The following GRID2 variants were observed in gnomAD, a reference collection of about 807,000 sequenced individuals.
GRID2 encodes glutamate ionotropic receptor delta type subunit 2.
A neutral mutation model predicts 114.8 loss-of-function variants in GRID2; 33 were observed. That is an observed-to-expected ratio of 0.29 (90% CI 0.22 to 0.38). The LOEUF (loss-of-function observed/expected upper bound fraction) is 0.38. Among genes scored for constraint, GRID2 ranks in the 10% least tolerant of loss-of-function variants. The pLI is 1.00. For synonymous variants in GRID2, 505 were observed against 449.9 expected (o/e 1.12, Z -1.55); for missense variants, 1,184 against 1,257.7 (o/e 0.94, Z 0.89).
chr4:93,764,078 G>C (rs961471570), intron 14 of GRID2, among the ~76,000 whole-genome samples: 1 of 152,156 alleles, frequency 6.6e-6, no homozygotes, highest in Admixed American at 6.6e-5. Context: ...TCCTAGAGTA[G>C]TGACTAAAAA....
At chr4:92,967,363 C>G (rs953355631) in intron 2 of GRID2, among the ~76,000 whole-genome samples, 5 of 151,974 alleles carry the variant, frequency 3.3e-5, no homozygotes, top group African/African-American at 1.2e-4. Context: ...CAGTAAAATT[C>G]AATTATTATT....
chr4:92,985,005 T>A (rs996913028), intron 2 of GRID2, among the ~76,000 whole-genome samples: 16 of 152,080 alleles, frequency 1.1e-4, no homozygotes, highest in Non-Finnish European at 1.5e-4. Flanking sequence ...AGTTTTTCTT[T>A]ACTGTAACAC....
chr4:93,761,320 C>G (rs1733188622), intron 14 of GRID2, among the ~76,000 whole-genome samples: 1 of 152,212 alleles, frequency 6.6e-6, no homozygotes, highest in South Asian at 2.1e-4. Flanking sequence ...ACTTCAATAT[C>G]TTCATCAGTG....
chr4:93,712,004 T>G (rs1403740471), intron 14 of GRID2, among the ~76,000 whole-genome samples: 1 of 151,436 alleles, frequency 6.6e-6, no homozygotes, highest in African/African-American at 2.4e-5. Flanking sequence ...GCTTTTCAGT[T>G]TTTTTGTTGT....
At chr4:93,614,369 T>A (rs1005228512) in intron 13 of GRID2, among the ~76,000 whole-genome samples, 4 of 152,200 alleles carry the variant, frequency 2.6e-5, no homozygotes, top group African/African-American at 7.2e-5. Flanking sequence ...TACAAAATGA[T>A]TTGATTTTAT....
intron 4 of GRID2, among the ~76,000 whole-genome samples, chr4:93,129,829 A>G (rs1734631087): frequency 6.6e-6 from 1 of 152,042 alleles, no homozygotes; most frequent in Admixed American, 6.6e-5. Context: ...TAGAACTTAC[A>G]ACAAATTTGG....
intron 2 of GRID2, among the ~76,000 whole-genome samples, chr4:92,805,024 A>C (rs1740343716): frequency 6.6e-6 from 1 of 152,004 alleles, no homozygotes; most frequent in Admixed American, 6.6e-5. Context: ...TTATGGGCCA[A>C]AGCTATCCTA....
intron 2 of GRID2, among the ~76,000 whole-genome samples, chr4:92,753,439 C>T (rs936575915): frequency 6.6e-6 from 1 of 152,092 alleles, no homozygotes; most frequent in African/African-American, 2.4e-5. Context: ...TGTCTGAAAC[C>T]AGTTAATGTG....
chr4:93,488,453 G>T (rs566388150), intron 11 of GRID2, among the ~76,000 whole-genome samples: 1 of 151,740 alleles, frequency 6.6e-6, no homozygotes, highest in Non-Finnish European at 1.5e-5. Flanking sequence ...GACATATTAC[G>T]TAGTGGGAAC....
intron 4 of GRID2, among the ~76,000 whole-genome samples, chr4:93,201,222 G>A (rs1742075387): frequency 6.6e-6 from 1 of 152,038 alleles, no homozygotes; most frequent in South Asian, 2.1e-4. Context: ...AAAGCTTTGA[G>A]GAATAATGTG....
At chr4:92,980,407 G>T (rs1423700547) in intron 2 of GRID2, among the ~76,000 whole-genome samples, 2 of 151,816 alleles carry the variant, frequency 1.3e-5, no homozygotes, top group African/African-American at 4.8e-5. Flanking sequence ...ATATCATATA[G>T]ATCACATTTC....
intron 2 of GRID2, among the ~76,000 whole-genome samples, chr4:92,701,956 T>C: frequency 6.6e-6 from 1 of 152,054 alleles, no homozygotes; most frequent in Non-Finnish European, 1.5e-5. Flanking sequence ...ATCAACAGAA[T>C]AAGTTACCCT....
chr4:92,986,940 C>T (rs1398069154), intron 2 of GRID2, among the ~76,000 whole-genome samples: 2 of 152,020 alleles, frequency 1.3e-5, no homozygotes, highest in African/African-American at 4.8e-5. Flanking sequence ...TTCCTTCCTT[C>T]TTTTTGTCCC....
At chr4:92,450,014 T>C (rs1227648016) in intron 1 of GRID2, among the ~76,000 whole-genome samples, 1 of 152,022 alleles carries the variant, frequency 6.6e-6, no homozygotes, top group Non-Finnish European at 1.5e-5. Flanking sequence ...TTTAATATTC[T>C]ATCATGGGTA....
chr4:92,807,107 G>A (rs1039354715), intron 2 of GRID2, among the ~76,000 whole-genome samples: 1 of 151,806 alleles, frequency 6.6e-6, no homozygotes, highest in Non-Finnish European at 1.5e-5. Context: ...CAAATTTCAG[G>A]TTATATGATC....
At chr4:92,777,444 T>C (rs2149356308) in intron 2 of GRID2, among the ~76,000 whole-genome samples, 1 of 152,158 alleles carries the variant, frequency 6.6e-6, no homozygotes, top group African/African-American at 2.4e-5. Context: ...TCTCCATATG[T>C]TGCTAAGGGA....
At chr4:92,703,685 C>T (rs894838220) in intron 2 of GRID2, among the ~76,000 whole-genome samples, 4 of 149,204 alleles carry the variant, frequency 2.7e-5, no homozygotes, top group South Asian at 2.1e-4. Flanking sequence ...ATGTAAATTA[C>T]TTTGTATATT....
At chr4:92,446,443 A>G (rs1398004931) in intron 1 of GRID2, among the ~76,000 whole-genome samples, 1 of 137,222 alleles carries the variant, frequency 7.3e-6, no homozygotes, top group Non-Finnish European at 1.7e-5. Context: ...GTGTATCTTT[A>G]TTCAACATTT....
At chr4:92,810,789 T>G in intron 2 of GRID2, among the ~76,000 whole-genome samples, 1 of 152,122 alleles carries the variant, frequency 6.6e-6, no homozygotes, top group East Asian at 1.9e-4. Context: ...TATTTCGTAC[T>G]TATTTATTTA....
Sources: gnomAD v4.1 joint callset for allele counts (sites outside exome capture counted in the v4.1 genomes callset) on GRCh38, gnomAD v4.1.1 for gene constraint, MANE v1.5 for transcripts, NCBI Gene and HGNC (gene_info 2026-07-23, HGNC 2026-07-21) for gene names.